The following OTOGL variants were observed in gnomAD, a reference collection of about 807,000 sequenced individuals.
OTOGL encodes the protein otogelin like.
OTOGL carries 285 observed loss-of-function variants against 318.5 expected under a neutral mutation model. The observed-to-expected ratio is 0.89, with a 90% CI of 0.81 to 0.99. OTOGL has a LOEUF of 0.99. Among genes scored for constraint, OTOGL ranks in the 50% least tolerant of loss-of-function variants. The pLI is 0.00. For synonymous variants in OTOGL, 987 were observed against 936.5 expected (o/e 1.05, Z -0.99); for missense variants, 2,899 against 2,845.6 (o/e 1.02, Z -0.43).
intron 1 of OTOGL, among the ~76,000 whole-genome samples, chr12:80,185,861 A>C (rs1438817703): frequency 6.6e-6 from 1 of 152,178 alleles, no homozygotes; most frequent in Non-Finnish European, 1.5e-5. Context: ...GCTTATTCTA[A>C]TTTATTCACA....
intron 1 of OTOGL, among the ~76,000 whole-genome samples, chr12:80,130,312 AAC>A (rs1365768009): frequency 2.0e-5 from 3 of 152,226 alleles, no homozygotes; most frequent in Non-Finnish European, 4.4e-5. Flanking sequence ...ATGCAGAGAA[AAC>A]ACATCAGCAT....
chr12:80,318,083 C>T (rs1487541157), intron 32 of OTOGL, among the ~76,000 whole-genome samples: 1 of 152,084 alleles, frequency 6.6e-6, no homozygotes, highest in Non-Finnish European at 1.5e-5. Context: ...TTTGGTTCTC[C>T]TTCCCCTTTC....
At chr12:80,286,220 A>G (rs1264802493) in intron 26 of OTOGL, among the ~76,000 whole-genome samples, 2 of 152,182 alleles carry the variant, frequency 1.3e-5, no homozygotes, top group African/African-American at 4.8e-5. Context: ...TCAGGGATGA[A>G]GCCACCTTGA....
intron 34 of OTOGL, among the ~76,000 whole-genome samples, chr12:80,321,165 A>G (rs866122439): frequency 7.2e-5 from 11 of 152,202 alleles, no homozygotes; most frequent in African/African-American, 2.7e-4. Context: ...ATTGACCTCT[A>G]GAAGATTTCT....
intron 1 of OTOGL, among the ~76,000 whole-genome samples, chr12:80,190,891 T>C (rs1388493846): frequency 6.6e-6 from 1 of 152,010 alleles, no homozygotes; most frequent in Non-Finnish European, 1.5e-5. Flanking sequence ...CTTTACTTTG[T>C]AGTTCATGCT....
At chr12:80,199,270 T>C (rs1441473021) in intron 1 of OTOGL, among the ~76,000 whole-genome samples, 2 of 152,212 alleles carry the variant, frequency 1.3e-5, no homozygotes, top group Non-Finnish European at 1.5e-5. Flanking sequence ...AACATTGACA[T>C]AAGCTATTTT....
chr12:80,239,079 T>G, intron 10 of OTOGL, 101 bp downstream of exon 10: 1 of 1,285,810 alleles, frequency 7.8e-7, no homozygotes, highest in East Asian at 2.7e-5. Context: ...CAACATAATT[T>G]AAAAATATTA....
intron 46 of OTOGL, among the ~76,000 whole-genome samples, chr12:80,354,938 T>C (rs974194936): frequency 2.6e-5 from 4 of 152,178 alleles, no homozygotes; most frequent in African/African-American, 9.6e-5. Context: ...TTTTTACTTT[T>C]AGATTTTAAA....
intron 1 of OTOGL, among the ~76,000 whole-genome samples, chr12:80,179,479 G>A (rs59884959): frequency 0.033 from 5,006 of 152,180 alleles, 285 homozygotes; most frequent in African/African-American, 0.11. Context: ...AAACGCCTTG[G>A]TCACTTCAAG....
intron 21 of OTOGL, 50 bp from the exon 22 acceptor site, chr12:80,267,203 G>A: frequency 8.1e-7 from 1 of 1,241,182 alleles, no homozygotes; most frequent in Non-Finnish European, 1.1e-6. Flanking sequence ...GAATTTTAGT[G>A]GTTTTTGAAA....
At chr12:80,182,783 A>G (rs977120898) in intron 1 of OTOGL, among the ~76,000 whole-genome samples, 4 of 152,206 alleles carry the variant, frequency 2.6e-5, no homozygotes, top group Non-Finnish European at 5.9e-5. Context: ...AAGCATAGGG[A>G]GTACACATCA....
At chr12:80,283,495 A>G (rs1228695002) in intron 26 of OTOGL, among the ~76,000 whole-genome samples, 1 of 152,010 alleles carries the variant, frequency 6.6e-6, no homozygotes, top group Non-Finnish European at 1.5e-5. Flanking sequence ...TAAGCAGCTC[A>G]TTATATTCTG....
chr12:80,177,601 T>G (rs778743184), intron 1 of OTOGL, among the ~76,000 whole-genome samples: 7 of 152,210 alleles, frequency 4.6e-5, no homozygotes, highest in Non-Finnish European at 8.8e-5. Context: ...ATCTTATGTC[T>G]TTTGCATTTC....
intron 21 of OTOGL, among the ~76,000 whole-genome samples, chr12:80,266,822 C>CT (rs1161151719): frequency 6.6e-6 from 1 of 152,008 alleles, no homozygotes. Context: ...TTCCTGCTTG[C>CT]TTTTACCATA....
At chr12:80,290,168 C>T (rs564641969) in intron 26 of OTOGL, among the ~76,000 whole-genome samples, 13 of 152,298 alleles carry the variant, frequency 8.5e-5, no homozygotes, top group South Asian at 6.2e-4. Context: ...CCTTGCACTT[C>T]GTGGGTGAGG....
At chr12:80,211,880 T>C in intron 3 of OTOGL, 69 bp from the exon 4 acceptor site, 1 of 1,276,862 alleles carries the variant, frequency 7.8e-7, no homozygotes, top group Non-Finnish European at 1.1e-6. Context: ...ACCAGCTCTC[T>C]CTTGGGAAAG....
At chr12:80,189,105 G>C (rs1293680676) in intron 1 of OTOGL, among the ~76,000 whole-genome samples, 1 of 152,148 alleles carries the variant, frequency 6.6e-6, no homozygotes, top group Non-Finnish European at 1.5e-5. Flanking sequence ...GTGAAGAACA[G>C]TGCATCCTTT....
At chr12:80,252,234 T>A (rs1881633280) in intron 13 of OTOGL, 33 bp downstream of exon 13, 1 of 1,579,526 alleles carries the variant, frequency 6.3e-7, no homozygotes, top group Middle Eastern at 1.7e-4. Context: ...ATGTCTGCAC[T>A]CATGGAAACT....
At chr12:80,177,726 C>T (rs981307264) in intron 1 of OTOGL, among the ~76,000 whole-genome samples, 2 of 151,928 alleles carry the variant, frequency 1.3e-5, no homozygotes, top group African/African-American at 2.4e-5. Context: ...TGGTATATAC[C>T]TCCATTTCTT....
Sources: gnomAD v4.1 joint callset for allele counts (sites outside exome capture counted in the v4.1 genomes callset) on GRCh38, gnomAD v4.1.1 for gene constraint, MANE v1.5 for transcripts, NCBI Gene and HGNC (gene_info 2026-07-23, HGNC 2026-07-21) for gene names.